PPFIA2: variants seen among roughly 807,000 people sequenced by gnomAD.
PPFIA2 encodes the protein liprin-alpha-2.
In PPFIA2, 46 loss-of-function variants were observed where a neutral mutation model predicts 175.5. That is an observed-to-expected ratio of 0.26 (90% CI 0.21 to 0.34). PPFIA2 has a LOEUF of 0.34. Among genes scored for constraint, PPFIA2 ranks in the 10% least tolerant of loss-of-function variants. PPFIA2 has a pLI of 1.00. For synonymous variants in PPFIA2, 568 were observed against 511.4 expected, an observed-to-expected ratio of 1.11 and a Z score of -1.49; for missense variants, 1,179 against 1,506.1, an observed-to-expected ratio of 0.78 and a Z score of 3.60.
chr12:81,743,523 A>T (rs11114996), intron 3 of PPFIA2, among the ~76,000 whole-genome samples: 56,472 of 142,942 alleles, frequency 0.4, 11,188 homozygotes, highest in Middle Eastern at 0.57. Flanking sequence ...AGCTTTTTTT[A>T]AAAAAAAAAG....
At chr12:81,729,362 A>G (rs1427729125) in intron 3 of PPFIA2, among the ~76,000 whole-genome samples, 1 of 151,530 alleles carries the variant, frequency 6.6e-6, no homozygotes, top group Non-Finnish European at 1.5e-5. Context: ...AGTCCTCTGG[A>G]TACTTTTGAA....
intron 21 of PPFIA2, among the ~76,000 whole-genome samples, chr12:81,328,818 C>CTTT (rs533036607): frequency 3.0e-5 from 4 of 134,652 alleles, no homozygotes; most frequent in Non-Finnish European, 4.7e-5. Context: ...TTCTTTCTTT[C>CTTT]TTTTTTTTTT....
intron 3 of PPFIA2, among the ~76,000 whole-genome samples, chr12:81,727,090 T>C (rs569978177): frequency 6.6e-6 from 1 of 151,328 alleles, no homozygotes; most frequent in Non-Finnish European, 1.5e-5. Context: ...CAACATATTC[T>C]AGCAAAAGCT....
chr12:81,339,376 G>A (rs1410006953), intron 20 of PPFIA2, 42 bp from the exon 21 acceptor site: 1 of 1,445,912 alleles, frequency 6.9e-7, no homozygotes, highest in Non-Finnish European at 9.2e-7. Context: ...ACATCCACAA[G>A]GTACACAAAA....
chr12:81,755,151 C>T (rs1276353294), intron 2 of PPFIA2, among the ~76,000 whole-genome samples: 2 of 152,172 alleles, frequency 1.3e-5, no homozygotes, highest in Non-Finnish European at 2.9e-5. Flanking sequence ...CACAAGTTCT[C>T]AGTCATGAAA....
chr12:81,275,528 C>T (rs961033817), intron 28 of PPFIA2, among the ~76,000 whole-genome samples: 1 of 151,976 alleles, frequency 6.6e-6, no homozygotes, highest in Admixed American at 6.6e-5. Context: ...CAGCACTAAA[C>T]GTTAATATTG....
At chr12:81,373,466 A>G (rs151035245) in intron 11 of PPFIA2, among the ~76,000 whole-genome samples, 5 of 152,092 alleles carry the variant, frequency 3.3e-5, no homozygotes, top group Non-Finnish European at 5.9e-5. Context: ...TAGAAATCAC[A>G]TATTCCTGAA....
intron 3 of PPFIA2, among the ~76,000 whole-genome samples, chr12:81,735,110 A>G (rs1165705201): frequency 6.6e-6 from 1 of 151,840 alleles, no homozygotes; most frequent in African/African-American, 2.4e-5. Flanking sequence ...ATTTGTGAAC[A>G]GGATATACAT....
intron 21 of PPFIA2, among the ~76,000 whole-genome samples, chr12:81,338,832 G>A (rs2057544341): frequency 6.6e-6 from 1 of 151,998 alleles, no homozygotes; most frequent in South Asian, 2.1e-4. Flanking sequence ...TCACAGTTAT[G>A]CGATTTATGA....
At chr12:81,334,003 T>C (rs768060222) in intron 21 of PPFIA2, among the ~76,000 whole-genome samples, 5 of 152,216 alleles carry the variant, frequency 3.3e-5, no homozygotes, top group Non-Finnish European at 7.3e-5. Context: ...AGGGATGTCA[T>C]GAGTGATGGC....
intron 4 of PPFIA2, among the ~76,000 whole-genome samples, chr12:81,553,743 C>T (rs2068349634): frequency 6.6e-6 from 1 of 152,000 alleles, no homozygotes; most frequent in African/African-American, 2.4e-5. Flanking sequence ...ATTGGAACTG[C>T]ATTGAGAGAC....
Position 81,258,802 on chromosome 12 carries a change from T to C in PPFIA2, c.*892A>G. The C allele has an allele frequency of 6.6e-6, 1 of 152,134 alleles. No homozygotes were observed. The allele number at this position is 152,134 out of a possible 1,614,324, so 9.4% of individuals were successfully genotyped here. A position where few individuals can be genotyped will look rare whatever the true frequency, so the allele number is the denominator to read the frequency against. ...GTGGTTGACATTCACTGTCCAGTAC[T>C]GGCTGGCATTTCAAGATATTTGAAT... On this transcript the variant is annotated 3_prime_UTR_variant, in exon 33 of 33. Transcript: ENST00000549396.
At chr12:81,368,938 A>C in intron 12 of PPFIA2, 82 bp from the exon 13 acceptor site, 1 of 1,463,398 alleles carries the variant, frequency 6.8e-7, no homozygotes, top group Non-Finnish European at 9.3e-7. Context: ...TTTAAATTGA[A>C]TTTAATTTTA....
At chr12:81,266,668 A>G (rs2037363741) in intron 30 of PPFIA2, among the ~76,000 whole-genome samples, 1 of 152,190 alleles carries the variant, frequency 6.6e-6, no homozygotes, top group South Asian at 2.1e-4. Context: ...ATTTTTTAAA[A>G]TAATGTTGCC....
At chr12:81,596,118 G>A (rs904888830) in intron 4 of PPFIA2, among the ~76,000 whole-genome samples, 7 of 151,482 alleles carry the variant, frequency 4.6e-5, no homozygotes, top group Non-Finnish European at 1.0e-4. Flanking sequence ...CCTCAATATG[G>A]GTTAATGTAT....
At chr12:81,362,850 CTT>C (rs1207844525) in intron 14 of PPFIA2, 66 bp from the exon 15 acceptor site, 10 of 946,368 alleles carry the variant, frequency 1.1e-5, no homozygotes, top group South Asian at 8.7e-5. Flanking sequence ...ATAAATGAGT[CTT>C]AATGATTTTT....
At chr12:81,370,876 T>C (rs1261748208) in intron 11 of PPFIA2, among the ~76,000 whole-genome samples, 2 of 151,964 alleles carry the variant, frequency 1.3e-5, no homozygotes, top group Non-Finnish European at 2.9e-5. Context: ...CACAGCATAT[T>C]CTGTCACATT....
intron 3 of PPFIA2, among the ~76,000 whole-genome samples, chr12:81,725,969 C>A (rs2080021122): frequency 6.6e-6 from 1 of 150,882 alleles, no homozygotes; most frequent in Non-Finnish European, 1.5e-5. Flanking sequence ...TCTTAGGAAA[C>A]TATTTCACCT....
At chr12:81,520,962 G>A (rs1001697703) in intron 4 of PPFIA2, among the ~76,000 whole-genome samples, 2 of 152,138 alleles carry the variant, frequency 1.3e-5, no homozygotes, top group Admixed American at 6.5e-5. Flanking sequence ...TAGGGGGGGT[G>A]AGGAAGGGAG....
Sources: gnomAD v4.1 joint callset for allele counts (sites outside exome capture counted in the v4.1 genomes callset) on GRCh38, gnomAD v4.1.1 for gene constraint, MANE v1.5 for transcripts, NCBI Gene and HGNC (gene_info 2026-07-23, HGNC 2026-07-21) for gene names.